AFF1: variants seen among roughly 807,000 people sequenced by gnomAD.
AFF1 encodes the protein AF4/FMR2 family member 1.
Under a neutral mutation model 121.7 loss-of-function variants are expected in AFF1, and 48 were observed. The ratio of observed to expected loss-of-function variants is 0.39; its 90% CI spans 0.31 to 0.50. The LOEUF is 0.50. Ranked by LOEUF, AFF1 falls within the 20% of genes least tolerant of loss-of-function variation. The pLI is 0.76. For missense variants in AFF1, 1,523 were observed against 1,511.7 expected (o/e 1.01, Z -0.12); for synonymous variants, 613 against 563.0 (o/e 1.09, Z -1.26).
At chr4:86,990,740 T>C (rs1724636232) in intron 2 of AFF1, among the ~76,000 whole-genome samples, 1 of 152,222 alleles carries the variant, frequency 6.6e-6, no homozygotes, top group Non-Finnish European at 1.5e-5. Flanking sequence ...CCCAGGAACT[T>C]GATTCAACTC....
chr4:86,940,388 G>C (rs753195721), intron 1 of AFF1, among the ~76,000 whole-genome samples: 3 of 152,172 alleles, frequency 2.0e-5, no homozygotes, highest in Non-Finnish European at 4.4e-5. Context: ...ACAGTGGGTT[G>C]TATTAACAGG....
At chr4:87,013,486 T>C (rs1026866604) in intron 2 of AFF1, among the ~76,000 whole-genome samples, 1 of 152,070 alleles carries the variant, frequency 6.6e-6, no homozygotes, top group Non-Finnish European at 1.5e-5. Context: ...GACACCTAGA[T>C]TGTCTTTATT....
intron 4 of AFF1, among the ~76,000 whole-genome samples, chr4:87,049,153 T>C (rs1408081376): frequency 1.3e-5 from 2 of 151,300 alleles, no homozygotes; most frequent in African/African-American, 4.9e-5. Context: ...AAAAATTGCT[T>C]TAAAACAATT....
In AFF1 at chr4:87,090,036, C is replaced by T. The variant is rs781659101; in HGVS notation, c.1157C>T (p.Thr386Ile). The T allele has an allele frequency of 6.2e-7, 1 of 1,613,918 alleles. No homozygotes were observed. The highest frequency in any genetic ancestry group is 1.7e-5 in the Admixed American group (1 of 60,012). ...TTGACAGCAATACATACGCCTAGTACAGCTGAGCCATCCAAGTTTCCTTTC... is the reference window on the plus strand; with the variant it reads ...TTGACAGCAATACATACGCCTAGTATAGCTGAGCCATCCAAGTTTCCTTTC... ...PPLTAIHTPS[T>I]AEPSKFPFPT... The change falls in exon 6 of 21, where the codon ACA becomes ATA. Residue 386 changes from threonine to isoleucine, a missense_variant. Thr to Ile is a moderately conservative substitution (Grantham distance 89). Transcript: ENST00000395146.
chr4:87,089,741 A>G (rs1459462790), intron 5 of AFF1, among the ~76,000 whole-genome samples: 1 of 152,184 alleles, frequency 6.6e-6, no homozygotes, highest in Admixed American at 6.5e-5. Context: ...AAATTCATTC[A>G]CGTTCTATAC....
intron 1 of AFF1, among the ~76,000 whole-genome samples, chr4:86,943,372 G>A (rs1472090631): frequency 6.6e-6 from 1 of 152,160 alleles, no homozygotes; most frequent in Admixed American, 6.5e-5. Context: ...GACTAAAACA[G>A]AATGTATGTC....
chr4:87,033,450 C>T (rs1170622482), intron 2 of AFF1, among the ~76,000 whole-genome samples: 1 of 152,152 alleles, frequency 6.6e-6, no homozygotes, highest in Non-Finnish European at 1.5e-5. Flanking sequence ...GGGACTCTTC[C>T]TTTTGGAATG....
intron 4 of AFF1, among the ~76,000 whole-genome samples, chr4:87,051,251 T>G (rs149460297): frequency 5.7e-4 from 87 of 152,270 alleles, no homozygotes; most frequent in Admixed American, 9.2e-4. Context: ...GGTGGCAGCA[T>G]TGGTGGCAGT....
rs146074445 is a variant in AFF1 at position 87,057,767 on chromosome 4, G to C, written c.1059+10173G>C. On this transcript the variant is annotated intron_variant, in intron 4 of 20. Transcript: ENST00000395146. ...TAAGTGAATAAAGCCCCTAAGACTT[G>C]ATTTTAAAGTATTAAAAATAAGTAA... Among the ~76,000 whole-genome samples the C allele has an allele frequency of 3.9e-3, 593 of 152,234 alleles. 4 individuals carry two copies. Among genetic ancestry groups the C allele is most frequent in the African/African-American group, 0.014 (570 of 41,526 alleles).
At chr4:87,042,605 A>G (rs1730271967) in intron 2 of AFF1, among the ~76,000 whole-genome samples, 2 of 152,230 alleles carry the variant, frequency 1.3e-5, no homozygotes, top group African/African-American at 4.8e-5. Context: ...TTGAAGGGTG[A>G]TGGTGAATCA....
intron 2 of AFF1, among the ~76,000 whole-genome samples, chr4:87,017,533 C>G (rs340650): frequency 0.63 from 96,245 of 152,028 alleles, 33,361 homozygotes; most frequent in South Asian, 0.8. Context: ...AAAGAAAACT[C>G]CAACTCCACA....
intron 2 of AFF1, among the ~76,000 whole-genome samples, chr4:86,961,463 A>G (rs1013845147): frequency 9.2e-5 from 14 of 152,012 alleles, no homozygotes; most frequent in Non-Finnish European, 1.3e-4. Flanking sequence ...GACATGAATG[A>G]GATAAAAAGT....
intron 1 of AFF1, among the ~76,000 whole-genome samples, chr4:86,941,698 ATGGTGTTGCATGC>A (rs1436416325): frequency 6.6e-6 from 1 of 152,090 alleles, no homozygotes; most frequent in Non-Finnish European, 1.5e-5. Flanking sequence ...ATAGCCAGGC[ATGGTGTTGCATGC>A]CTGTGGTCCC....
chr4:87,027,650 C>T (rs1391852208), intron 2 of AFF1, among the ~76,000 whole-genome samples: 2 of 152,126 alleles, frequency 1.3e-5, no homozygotes, highest in Non-Finnish European at 2.9e-5. Context: ...TGAACATTTT[C>T]AAACATTCAG....
At chr4:86,944,596 G>A (rs936778491) in intron 1 of AFF1, among the ~76,000 whole-genome samples, 2 of 151,944 alleles carry the variant, frequency 1.3e-5, no homozygotes, top group Admixed American at 6.6e-5. Context: ...TGCCCGCCTC[G>A]GCCTCCCAAA....
chr4:87,126,935 A>G (rs189131399), intron 14 of AFF1, 91 bp from the exon 15 acceptor site: 2 of 1,079,284 alleles, frequency 1.9e-6, no homozygotes, highest in East Asian at 2.4e-5. Flanking sequence ...TTTTGAAACT[A>G]CTATTTCGGG....
Position 87,005,885 on chromosome 4 carries a change from A to AG in AFF1, c.39-40279dup, listed in dbSNP as rs1454841193. ...GCTGTCACTGCTTTGGTTAGTGCGA[A>AG]GGCGCCAGCAGTTTCCCCATAATTG... On this transcript the variant is annotated intron_variant, in intron 2 of 20. Transcript: ENST00000395146. Among the ~76,000 whole-genome samples, 3 of 152,346 alleles carry AG rather than the reference A, an allele frequency of 2.0e-5. No homozygotes were observed. The East Asian group carries it at 5.8e-4, about 29-fold the overall frequency.
chr4:87,096,278 A>G (rs1724840877), intron 8 of AFF1, among the ~76,000 whole-genome samples: 3 of 147,508 alleles, frequency 2.0e-5, no homozygotes, highest in Admixed American at 1.4e-4. Flanking sequence ...GGAAAGTAAA[A>G]TGTTACCTTT....
intron 4 of AFF1, among the ~76,000 whole-genome samples, chr4:87,070,763 G>A (rs1265146438): frequency 6.6e-6 from 1 of 152,198 alleles, no homozygotes; most frequent in Non-Finnish European, 1.5e-5. Flanking sequence ...ATACAGACAG[G>A]TGTACTAGAG....
Sources: allele counts gnomAD v4.1 joint callset (sites outside exome capture counted in the v4.1 genomes callset), GRCh38; gene constraint gnomAD v4.1.1; transcripts MANE v1.5; gene names NCBI Gene and HGNC (gene_info 2026-07-23, HGNC 2026-07-21).